The following BBX variants were observed in gnomAD, a reference collection of about 807,000 sequenced individuals.
The protein encoded by BBX is BBX high mobility group box domain containing, also known as HMG box transcription factor BBX.
Under a neutral mutation model 100.2 loss-of-function variants are expected in BBX, and 30 were observed. That is an observed-to-expected ratio of 0.30 (90% CI 0.22 to 0.41). BBX has a LOEUF of 0.41. BBX is among the 10% of genes least tolerant of loss of function. The pLI, the probability that BBX is intolerant of heterozygous loss-of-function variation, is 1.00. For synonymous variants in BBX, 376 were observed against 388.1 expected, an observed-to-expected ratio of 0.97 and a Z score of 0.37; for missense variants, 1,023 against 1,129.8, an observed-to-expected ratio of 0.91 and a Z score of 1.35.
intron 13 of BBX, among the ~76,000 whole-genome samples, chr3:107,781,282 G>C (rs2067860593): frequency 6.6e-6 from 1 of 151,820 alleles, no homozygotes. Context: ...TTCCTCTTAT[G>C]TCTGTGTCAT....
At chr3:107,742,491 C>T (rs1250626615) in intron 7 of BBX, among the ~76,000 whole-genome samples, 4 of 152,006 alleles carry the variant, frequency 2.6e-5, no homozygotes, top group East Asian at 1.9e-4. Context: ...ATGCTAAATC[C>T]GTAATGCTTT....
At chr3:107,731,551 T>A (rs1411713792) in intron 6 of BBX, among the ~76,000 whole-genome samples, 1 of 152,106 alleles carries the variant, frequency 6.6e-6, no homozygotes, top group Non-Finnish European at 1.5e-5. Flanking sequence ...TTAGCTACTG[T>A]TTGTCTGTGT....
At chr3:107,721,398 T>C (rs2062518233) in intron 5 of BBX, among the ~76,000 whole-genome samples, 1 of 151,976 alleles carries the variant, frequency 6.6e-6, no homozygotes. Flanking sequence ...GGTTGGGGGT[T>C]CCACCCTCAG....
At chr3:107,674,735 A>G (rs2059196040) in intron 3 of BBX, 1 of 152,638 alleles carries the variant, frequency 6.6e-6, no homozygotes, top group East Asian at 1.9e-4. Flanking sequence ...AGCAATTCAC[A>G]TGTGATCTTA....
At chr3:107,657,496 A>G (rs904238715) in intron 3 of BBX, among the ~76,000 whole-genome samples, 4 of 152,212 alleles carry the variant, frequency 2.6e-5, no homozygotes, top group Non-Finnish European at 5.9e-5. Context: ...TTTAGAAACT[A>G]TTAATCTACA....
intron 2 of BBX, among the ~76,000 whole-genome samples, chr3:107,565,139 C>A (rs2050785307): frequency 6.6e-6 from 1 of 152,090 alleles, no homozygotes; most frequent in African/African-American, 2.4e-5. Context: ...TGTATGGAAA[C>A]TATTTGATTT....
chr3:107,738,563 G>A (rs1576578490), intron 7 of BBX, among the ~76,000 whole-genome samples: 2 of 152,174 alleles, frequency 1.3e-5, no homozygotes. Context: ...GCAGAGAAGG[G>A]TAAAGTAACA....
At chr3:107,609,372 T>C (rs951809099) in intron 2 of BBX, among the ~76,000 whole-genome samples, 1 of 152,166 alleles carries the variant, frequency 6.6e-6, no homozygotes, top group Non-Finnish European at 1.5e-5. Context: ...TTTATTTGGT[T>C]TTGGTATCAG....
intron 8 of BBX, among the ~76,000 whole-genome samples, chr3:107,745,207 C>T (rs1440138212): frequency 6.6e-6 from 1 of 152,140 alleles, no homozygotes; most frequent in Admixed American, 6.5e-5. Flanking sequence ...GGTCTCTTGA[C>T]ACTGGTTCAA....
At chr3:107,698,968 A>G (rs902780350) in intron 3 of BBX, among the ~76,000 whole-genome samples, 2 of 151,886 alleles carry the variant, frequency 1.3e-5, no homozygotes, top group Admixed American at 1.3e-4. Flanking sequence ...ATGGTGAACA[A>G]GGAAAAGGAC....
chr3:107,775,486 T>G (rs1430319740), intron 12 of BBX, among the ~76,000 whole-genome samples: 3 of 152,146 alleles, frequency 2.0e-5, no homozygotes, highest in Non-Finnish European at 2.9e-5. Context: ...ATATAAAGTA[T>G]TTTGTTAGTT....
intron 2 of BBX, among the ~76,000 whole-genome samples, chr3:107,607,281 G>A (rs906173409): frequency 1.3e-5 from 2 of 152,048 alleles, no homozygotes; most frequent in African/African-American, 4.8e-5. Flanking sequence ...ATTTTTGGTA[G>A]AGACAGGGTT....
intron 10 of BBX, among the ~76,000 whole-genome samples, chr3:107,766,582 A>G (rs1429728182): frequency 6.6e-6 from 1 of 152,144 alleles, no homozygotes; most frequent in Non-Finnish European, 1.5e-5. Context: ...TTATGATCAA[A>G]CCAAAAAGTA....
At chr3:107,666,912 C>T (rs930123426) in intron 3 of BBX, among the ~76,000 whole-genome samples, 5 of 152,206 alleles carry the variant, frequency 3.3e-5, no homozygotes, top group Non-Finnish European at 5.9e-5. Context: ...AGCTGTTAAC[C>T]TCCTACCCCC....
At chr3:107,559,127 A>G (rs187371643) in intron 2 of BBX, among the ~76,000 whole-genome samples, 106 of 152,334 alleles carry the variant, frequency 7.0e-4, no homozygotes, top group African/African-American at 2.5e-3. Context: ...AAGTTGTTCA[A>G]CATTGGTTTG....
chr3:107,618,074 CT>C (rs780174641), intron 2 of BBX, among the ~76,000 whole-genome samples: 26 of 151,940 alleles, frequency 1.7e-4, no homozygotes, highest in Non-Finnish European at 3.1e-4. Context: ...TTTAAGTTTT[CT>C]TTTTATCATG....
At chr3:107,733,154 T>G (rs947364898) in intron 7 of BBX, 131 bp downstream of exon 7, 1 of 784,828 alleles carries the variant, frequency 1.3e-6, no homozygotes, top group African/African-American at 1.8e-5. Flanking sequence ...ATCTTTCTCT[T>G]TAAGATCTTT....
intron 3 of BBX, among the ~76,000 whole-genome samples, chr3:107,683,547 G>A (rs1343504867): frequency 4.6e-5 from 7 of 152,070 alleles, no homozygotes; most frequent in East Asian, 3.8e-4. Context: ...TTAGATTGTC[G>A]TTCTTTTATT....
At chr3:107,559,971 T>G (rs900530395) in intron 2 of BBX, among the ~76,000 whole-genome samples, 4 of 152,168 alleles carry the variant, frequency 2.6e-5, no homozygotes, top group Non-Finnish European at 4.4e-5. Context: ...CTCGAACTTC[T>G]GGGCTCAAGC....
Sources: allele counts gnomAD v4.1 joint callset (sites outside exome capture counted in the v4.1 genomes callset), GRCh38; gene constraint gnomAD v4.1.1; transcripts MANE v1.5; gene names NCBI Gene and HGNC (gene_info 2026-07-23, HGNC 2026-07-21).